The following POLM variants were observed in gnomAD, a reference collection of about 807,000 sequenced individuals.
The protein encoded by POLM is DNA-directed DNA/RNA polymerase mu.
A neutral mutation model predicts 56.7 loss-of-function variants in POLM; 52 were observed. The ratio of observed to expected loss-of-function variants is 0.92; its 90% CI spans 0.73 to 1.15. POLM has a LOEUF of 1.15. Among genes scored for constraint, POLM ranks in the 50% most tolerant of loss-of-function variants. POLM has a pLI of 0.00. For synonymous variants in POLM, 273 were observed against 274.3 expected (o/e 1.00, Z 0.05); for missense variants, 660 against 663.6 (o/e 0.99, Z 0.06).
At position 44,074,479 on chromosome 7, in the gene POLM, T is replaced by A. The variant is rs1304509248; in HGVS notation, c.887A>T (p.Asp296Val). The A allele has an allele frequency of 6.3e-7, 1 of 1,597,960 alleles. No homozygotes were observed. The highest frequency in any genetic ancestry group is 8.5e-7 in the Non-Finnish European group (1 of 1,172,894). Residue 296 changes from aspartate (D) to valine (V), a missense_variant, in exon 7 of 11, where the codon GAT becomes GTT. Asp to Val is a radical substitution (Grantham distance 152). Transcript: ENST00000242248. ...LSTPVLRSDV[D>V]ALQQVVEEAV... is the part of the protein sequence containing the mutation. ...TTCCTCCACCACCTGCTGCAGGGCA[T>A]CTACATCGGACCGCAGGACTGGGGT...
rs893009321 is a variant in POLM, at chr7:44,082,181, G to A, written c.188+70C>T. 3.9e-6 allele frequency: 5 copies of A among 1,281,334 alleles called. No homozygotes were observed. In the African/African-American group the frequency reaches 7.9e-5, roughly 20 times the overall value. 79.4% of individuals were successfully genotyped at this position (1,281,334 alleles called of 1,614,324 possible). On this transcript the variant is annotated intron_variant, in intron 1 of 10. Coordinates refer to ENST00000242248, the MANE Select transcript of POLM (RefSeq NM_013284.4). Reference sequence around the variant, plus strand: ...GGGAAAGGTCACAAGACCACGAAGTGCCACTGCAAACTTAGAATCCAAAAC... The same window carrying A: ...GGGAAAGGTCACAAGACCACGAAGTACCACTGCAAACTTAGAATCCAAAAC...
Position 44,079,552 on chromosome 7 carries a change from T to G in POLM, c.642+19A>C. 7.1e-6 allele frequency: 9 copies of G among 1,263,088 alleles called. No homozygotes were observed. The highest frequency in any genetic ancestry group is 1.2e-5 in the South Asian group (1 of 85,174). 78.2% of individuals were successfully genotyped at this position (1,263,088 alleles called of 1,614,324 possible). A position where few individuals can be genotyped will look rare whatever the true frequency, so the allele number is the denominator to read the frequency against. On this transcript the variant is annotated intron_variant, in intron 4 of 10. Coordinates refer to ENST00000242248, the MANE Select transcript of POLM (RefSeq NM_013284.4). ...CTCCCCACCCACCCACTCACCCTGCTAGGATGGTAAGCACCTACCTGGACA... is the reference window on the plus strand; with the variant it reads ...CTCCCCACCCACCCACTCACCCTGCGAGGATGGTAAGCACCTACCTGGACA...
rs761832801 is a variant in POLM at position 44,073,988 on chromosome 7, C to T, written c.1109G>A (p.Cys370Tyr). The T allele has an allele frequency of 6.2e-7, 1 of 1,614,196 alleles. No individual in the cohort carries two copies. Among genetic ancestry groups the T allele is most frequent in the Non-Finnish European group, 8.5e-7 (1 of 1,180,036 alleles). The change falls in exon 9 of 11, where the codon TGT becomes TAT. Residue 370 changes from cysteine to tyrosine, a missense_variant. Coordinates refer to ENST00000242248, the MANE Select transcript of POLM (RefSeq NM_013284.4). ...TTGGGCCAGGCGGGTAGGGGACTCA[C>T]AGCAGCTGTGCTGGTGCTGGTGGTA... Reference protein sequence around the residue: ...ILYHQHQHSCCESPTRLAQQS... With the variant: ...ILYHQHQHSCYESPTRLAQQS...
intron 4 of POLM, 34 bp downstream of exon 4, chr7:44,079,537 A>T: frequency 2.3e-6 from 2 of 881,114 alleles, no homozygotes; most frequent in Non-Finnish European, 3.6e-6. Context: ...CTCCCCACCC[A>T]CCCACTCACC....
intron 2 of POLM, 138 bp downstream of exon 2, chr7:44,080,595 G>T: frequency 1.1e-6 from 1 of 927,720 alleles, no homozygotes; most frequent in Non-Finnish European, 1.7e-6. Context: ...GGCCCCTGGT[G>T]ATCTGGGTAG....
In POLM at chr7:44,076,590, CA is replaced by C; in HGVS notation, c.753del (p.Asp252ThrfsTer11). ...CGCAGTCCTTCCCGGTACCACCGGT[CA>C]GCAGTCTTCACACCGACCCCGAAGA... ...TQIFGVGVKT[A>X]DRWYREGLRT... is the part of the protein sequence containing the mutation. On this transcript the variant is annotated frameshift_variant, in exon 6 of 11. Coordinates refer to ENST00000242248, the MANE Select transcript of POLM (RefSeq NM_013284.4). LOFTEE classifies it high-confidence loss of function. 1 of 1,614,100 alleles carries C rather than the reference CA, an allele frequency of 6.2e-7. No individual in the cohort carries two copies. The highest frequency in any genetic ancestry group is 2.2e-5 in the East Asian group (1 of 44,872).
rs930818095 is a variant in POLM at position 44,078,906 on chromosome 7, G to A, written c.643-95C>T. 21 of 970,964 alleles carry A rather than the reference G, an allele frequency of 2.2e-5. No individual in the cohort carries two copies. In the Admixed American group the frequency reaches 2.9e-4, roughly 14 times the overall value. The allele number at this position is 970,964 out of a possible 1,614,324, so 60.1% of individuals were successfully genotyped here. On this transcript the variant is annotated intron_variant, in intron 4 of 10. Coordinates refer to ENST00000242248, the MANE Select transcript of POLM (RefSeq NM_013284.4). ...GGTCAGGGCTGGGGGCCCAAGGACT[G>A]AGGCAGTCCCCTCCAACACCCGGCA...
chr7:44,073,884 A>T lies in POLM; in HGVS notation c.1213T>A (p.Ser405Thr), dbSNP rs1473376856. The change falls in exon 9 of 11, where the codon TCC becomes ACC. Residue 405 changes from serine to threonine, a missense_variant. By Grantham distance (58) the Ser-to-Thr change is moderately conservative. Transcript: ENST00000242248. ...PQPPGAAVGG[S>T]TRPCPSWKAV... ...TTCCAGGATGGGCAGGGCCTCGTGG[A>T]TCCCCCCACAGCAGCCCCTGGAGGT... 3 of 1,614,234 alleles carry T rather than the reference A, an allele frequency of 1.9e-6. No homozygotes were observed. In the South Asian group the frequency reaches 3.3e-5, roughly 18 times the overall value.
At position 44,074,020 on chromosome 7, in the gene POLM, G is replaced by A. The variant is rs2096176153; in HGVS notation, c.1077C>T (p.Leu359=). ...TGTGCTGGTGCTGGTGGTACAGGAT[G>A]AGGCCCTGTGGGGAGAGGCGGGCGT... is the stretch of plus-strand genomic sequence containing the variant. ...RVMCRLQDQG[L]ILYHQHQHSC... The change falls in exon 9 of 11, where the codon CTC becomes CTT. Residue 359 remains leucine (L), a synonymous_variant. Coordinates refer to ENST00000242248, the MANE Select transcript of POLM (RefSeq NM_013284.4). The A allele has an allele frequency of 1.2e-6, 2 of 1,613,756 alleles. No individual in the cohort carries two copies. The highest frequency in any genetic ancestry group is 1.7e-6 in the Non-Finnish European group (2 of 1,180,022).
chr7:44,073,989 A>G lies in POLM; in HGVS notation c.1108T>C (p.Cys370Arg). The change falls in exon 9 of 11, where the codon TGT becomes CGT. Residue 370 changes from cysteine (C) to arginine (R), a missense_variant. Cys to Arg is a radical substitution (Grantham distance 180). Transcript: ENST00000242248. Reference protein sequence around the residue: ...ILYHQHQHSCCESPTRLAQQS... With the variant: ...ILYHQHQHSCRESPTRLAQQS... ...TGGGCCAGGCGGGTAGGGGACTCAC[A>G]GCAGCTGTGCTGGTGCTGGTGGTAC... 6.2e-7 allele frequency: 1 copy of G among 1,614,116 alleles called. No homozygotes were observed. Among genetic ancestry groups the G allele is most frequent in the Non-Finnish European group, 8.5e-7 (1 of 1,179,980 alleles).
intron 2 of POLM, 85 bp from the exon 3 acceptor site, chr7:44,080,044 G>T: frequency 1.0e-6 from 1 of 984,980 alleles, no homozygotes; most frequent in Non-Finnish European, 1.6e-6. Context: ...TTTCTCCTGG[G>T]GTGTCCAACT....
Position 44,082,463 on chromosome 7 carries a change from G to T in POLM, c.-25C>A. On this transcript the variant is annotated 5_prime_UTR_variant, in exon 1 of 11. Transcript: ENST00000242248. Reference sequence around the variant, plus strand: ...TTGGGACGACAGCCTCCAGCAGCGCGGAGCGAACGCAGAGGGAAACTCCGA... The same window carrying T: ...TTGGGACGACAGCCTCCAGCAGCGCTGAGCGAACGCAGAGGGAAACTCCGA... 8.0e-7 allele frequency: 1 copy of T among 1,242,386 alleles called. No individual in the cohort carries two copies. The allele number at this position is 1,242,386 out of a possible 1,614,324, so 77.0% of individuals were successfully genotyped here. A position where few individuals can be genotyped will look rare whatever the true frequency, so the allele number is the denominator to read the frequency against.
Position 44,079,909 on chromosome 7 carries a change from A to G in POLM, c.423T>C (p.Tyr141=). 1.2e-6 allele frequency: 2 copies of G among 1,614,048 alleles called. No individual in the cohort carries two copies. The highest frequency in any genetic ancestry group is 1.7e-6 in the Non-Finnish European group (2 of 1,179,952). The change falls in exon 3 of 11, where the codon TAT becomes TAC. Residue 141 remains tyrosine, a synonymous_variant. Coordinates refer to ENST00000242248, the MANE Select transcript of POLM (RefSeq NM_013284.4). The part of the protein sequence containing the change: ...GPLSPAWMPA[Y]ACQRPTPLTH... ...TGAGGGGCGTAGGGCGCTGGCAGGC[A>G]TAGGCAGGCATCCATGCTGGGCTCA...
chr7:44,076,409 C>G (rs1171391948), intron 6 of POLM, 100 bp downstream of exon 6: 1 of 1,497,052 alleles, frequency 6.7e-7, no homozygotes, highest in African/African-American at 1.4e-5. Flanking sequence ...CCACCAAACC[C>G]TCTGCACCAG....
In POLM at chr7:44,073,813, AG is replaced by A; in HGVS notation, c.1283del (p.Pro428LeufsTer29). The A allele has an allele frequency of 2.5e-6, 4 of 1,614,224 alleles. No homozygotes were observed. The highest frequency in any genetic ancestry group is 3.4e-6 in the Non-Finnish European group (4 of 1,180,038). ...AGCCAGTCCAACCGAGCAGGGCGAA[AG>A]GGAACTGGCTGACGGGTGCAACTAC... The part of the protein sequence containing the change: ...DLVVAPVSQF[P>X]FALLGWTGSK... On this transcript the variant is annotated frameshift_variant, in exon 9 of 11. Coordinates refer to ENST00000242248, the MANE Select transcript of POLM (RefSeq NM_013284.4). LOFTEE classifies it high-confidence loss of function.
chr7:44,082,234 G>A lies in POLM; in HGVS notation c.188+17C>T, dbSNP rs528393293. 2.5e-4 allele frequency: 355 copies of A among 1,432,418 alleles called. No individual in the cohort carries two copies. Among genetic ancestry groups the A allele is most frequent in the Non-Finnish European group, 3.1e-4 (344 of 1,099,474 alleles). 88.7% of individuals were successfully genotyped at this position (1,432,418 alleles called of 1,614,324 possible). A position where few individuals can be genotyped will look rare whatever the true frequency, so the allele number is the denominator to read the frequency against. On this transcript the variant is annotated intron_variant, in intron 1 of 10. Transcript: ENST00000242248. Reference sequence around the variant, plus strand: ...GAAGTGCCATGGAAGCCCTCGCCGCGCCGCGCCGCCCCGCACCTGCAGGCG... The same window carrying A: ...GAAGTGCCATGGAAGCCCTCGCCGCACCGCGCCGCCCCGCACCTGCAGGCG...
Position 44,082,350 on chromosome 7 carries a change from A to G in POLM, c.89T>C (p.Val30Ala), listed in dbSNP as rs1166578339. Residue 30 changes from valine (V) to alanine (A), a missense_variant, in exon 1 of 11, where the codon GTC (valine) becomes GCC (alanine). Coordinates refer to ENST00000242248, the MANE Select transcript of POLM (RefSeq NM_013284.4). ...STPPSTRFPGVAIYLVEPRMG... is the reference protein window; with the variant it reads ...STPPSTRFPGAAIYLVEPRMG... Reference sequence around the variant, plus strand: ...GCGAGGCTCGACCAGGTAGATGGCGACTCCCGGGAAGCGCGTCGAGGGCGG... The same window carrying G: ...GCGAGGCTCGACCAGGTAGATGGCGGCTCCCGGGAAGCGCGTCGAGGGCGG... The G allele has an allele frequency of 5.8e-6, 9 of 1,556,004 alleles. No homozygotes were observed. The highest frequency in any genetic ancestry group is 6.9e-6 in the Non-Finnish European group (8 of 1,158,644).
At position 44,081,416 on chromosome 7, in the gene POLM, C is replaced by G. The variant is rs553510675; in HGVS notation, c.189-500G>C. On this transcript the variant is annotated intron_variant, in intron 1 of 10. Transcript: ENST00000242248. The stretch of plus-strand genomic sequence containing the variant: ...ATAGTGCCTTGTACACTCTAAGCTG[C>G]TATCATCCTCTCCTGAGTGGGTCTG... Among the ~76,000 whole-genome samples the G allele has an allele frequency of 1.4e-3, 210 of 152,358 alleles. 1 individual carries two copies. The highest frequency in any genetic ancestry group is 6.8e-3 in the Middle Eastern group (2 of 294).
At chr7:44,074,766 C>G (rs116702670) in intron 6 of POLM, among the ~76,000 whole-genome samples, 1 of 152,234 alleles carries the variant, frequency 6.6e-6, no homozygotes, top group Non-Finnish European at 1.5e-5. Context: ...TAGATTCACT[C>G]GCAGTTAAAA....
Sources: allele counts gnomAD v4.1 joint callset (sites outside exome capture counted in the v4.1 genomes callset), GRCh38; gene constraint gnomAD v4.1.1; transcripts MANE v1.5; gene names NCBI Gene and HGNC (gene_info 2026-07-23, HGNC 2026-07-21).